The following EGFR variants were observed in gnomAD, a reference collection of about 807,000 sequenced individuals.
EGFR encodes the protein epidermal growth factor receptor.
A neutral mutation model predicts 143.0 loss-of-function variants in EGFR; 58 were observed. That is an observed-to-expected ratio of 0.41 (90% CI 0.33 to 0.50). The LOEUF is 0.50. EGFR is among the 20% of genes least tolerant of loss of function. The pLI is 0.39. For synonymous variants in EGFR, 613 were observed against 594.4 expected (o/e 1.03, Z -0.45); for missense variants, 1,307 against 1,579.0 (o/e 0.83, Z 2.92).
Position 55,142,314 on chromosome 7 carries a change from G to T in EGFR, c.117G>T (p.Thr39=), listed in dbSNP as rs777186292. The part of the protein sequence containing the change: ...KVCQGTSNKL[T]QLGTFEDHFL... ...GCCAAGGCACGAGTAACAAGCTCAC[G>T]CAGTTGGGCACTTTTGAAGATCATT... The change falls in exon 2 of 28, where the codon ACG becomes ACT. Residue 39 remains threonine (T), a synonymous_variant. Coordinates refer to ENST00000275493, the MANE Select transcript of EGFR (RefSeq NM_005228.5). 1 of 1,614,184 alleles carries T rather than the reference G, an allele frequency of 6.2e-7. No homozygotes were observed. The highest frequency in any genetic ancestry group is 2.2e-5 in the East Asian group (1 of 44,886).
In EGFR at chr7:55,160,267, A is replaced by G. The variant is rs746521110; in HGVS notation, c.1427A>G (p.Asn476Ser). 1.9e-5 allele frequency: 31 copies of G among 1,613,958 alleles called. No individual in the cohort carries two copies. The highest frequency in any genetic ancestry group is 2.3e-5 in the Non-Finnish European group (27 of 1,180,028). ...NKNLCYANTI[N>S]WKKLFGTSGQ... ...AATTTGTGCTATGCAAATACAATAA[A>G]CTGGAAAAAACTGTTTGGGACCTCC... Residue 476 changes from asparagine (N) to serine (S), a missense_variant, in exon 12 of 28, where the codon AAC becomes AGC. By Grantham distance (46) the Asn-to-Ser change is conservative. Coordinates refer to ENST00000275493, the MANE Select transcript of EGFR (RefSeq NM_005228.5).
Position 55,161,557 on chromosome 7 carries a change from G to A in EGFR, c.1557G>A (p.Glu519=), listed in dbSNP as rs116057045. ...LCSPEGCWGP[E]PRDCVSCRNV... is the part of the protein sequence containing the mutation. ...CCCCCGAGGGCTGCTGGGGCCCGGA[G>A]CCCAGGGACTGCGTCTCTTGCCGGA... Residue 519 remains glutamate, a synonymous_variant, in exon 13 of 28, where the codon GAG becomes GAA. Transcript: ENST00000275493. The A allele has an allele frequency of 1.9e-6, 3 of 1,614,276 alleles. No individual in the cohort carries two copies. Among genetic ancestry groups the A allele is most frequent in the Non-Finnish European group, 2.5e-6 (3 of 1,180,048 alleles).
intron 1 of EGFR, among the ~76,000 whole-genome samples, chr7:55,036,338 G>A (rs1035065697): frequency 1.2e-4 from 18 of 147,126 alleles, no homozygotes; most frequent in Non-Finnish European, 2.2e-4. Flanking sequence ...CCTGTATTTG[G>A]TCTGTTCTGC....
chr7:55,091,098 T>C (rs537463273), intron 1 of EGFR, among the ~76,000 whole-genome samples: 24 of 152,230 alleles, frequency 1.6e-4, no homozygotes, highest in Non-Finnish European at 2.8e-4. Flanking sequence ...AGTTGGCAAG[T>C]GATAGTGACA....
intron 1 of EGFR, among the ~76,000 whole-genome samples, chr7:55,100,787 C>T (rs912892883): frequency 2.6e-5 from 4 of 152,354 alleles, no homozygotes; most frequent in African/African-American, 9.6e-5. Flanking sequence ...AGCCTCACGT[C>T]ACACATCACT....
chr7:55,084,470 A>G (rs1047222950), intron 1 of EGFR, among the ~76,000 whole-genome samples: 5 of 152,230 alleles, frequency 3.3e-5, no homozygotes, highest in African/African-American at 4.8e-5. Context: ...TATTAAATCA[A>G]AACCAGCTGA....
chr7:55,168,247 T>C (rs759172335), intron 15 of EGFR, among the ~76,000 whole-genome samples: 1 of 152,254 alleles, frequency 6.6e-6, no homozygotes, highest in Non-Finnish European at 1.5e-5. Context: ...ATATTATCTG[T>C]ATAGAATAAA....
chr7:55,153,528 G>A (rs1255113926), intron 6 of EGFR, among the ~76,000 whole-genome samples: 1 of 152,226 alleles, frequency 6.6e-6, no homozygotes, highest in Non-Finnish European at 1.5e-5. Flanking sequence ...GGAGAAGACT[G>A]TGCGTGGGGT....
intron 1 of EGFR, among the ~76,000 whole-genome samples, chr7:55,128,614 C>T (rs890755160): frequency 6.6e-6 from 1 of 152,196 alleles, no homozygotes; most frequent in East Asian, 1.9e-4. Context: ...TGAAGCAAAG[C>T]ATGGCAATGA....
At chr7:55,038,617 T>C (rs73420740) in intron 1 of EGFR, among the ~76,000 whole-genome samples, 3,804 of 152,278 alleles carry the variant, frequency 0.025, 106 homozygotes, top group African/African-American at 0.069. Flanking sequence ...TTGGAAAAGA[T>C]TGAGAATTTT....
At chr7:55,050,156 G>A (rs577477015) in intron 1 of EGFR, among the ~76,000 whole-genome samples, 4 of 152,186 alleles carry the variant, frequency 2.6e-5, no homozygotes, top group East Asian at 1.9e-4. Flanking sequence ...ATACATTCAC[G>A]TTGTTCTATA....
chr7:55,052,595 G>T (rs1788551158), intron 1 of EGFR, among the ~76,000 whole-genome samples: 1 of 152,242 alleles, frequency 6.6e-6, no homozygotes, highest in Non-Finnish European at 1.5e-5. Flanking sequence ...CAGGAAGCTT[G>T]CGAAGCTCAG....
rs533069189 is a variant in EGFR at position 55,067,541 on chromosome 7, G to A, written c.88+48176G>A. Among the ~76,000 whole-genome samples the A allele has an allele frequency of 2.6e-5, 4 of 151,514 alleles. No individual in the cohort carries two copies. In the South Asian group the frequency reaches 8.3e-4, roughly 31 times the overall value. On this transcript the variant is annotated intron_variant, in intron 1 of 27. Transcript: ENST00000275493. The stretch of plus-strand genomic sequence containing the variant: ...AGTTTTGAATTATGGTAAAATACAC[G>A]TAAGATTTACTACTGTAACCATTTT...
Position 55,034,644 on chromosome 7 carries a change from C to T in EGFR, c.88+15279C>T, listed in dbSNP as rs74581689. Among the ~76,000 whole-genome samples the T allele has an allele frequency of 7.9e-3, 1,203 of 152,262 alleles. 19 individuals carry two copies. The highest frequency in any genetic ancestry group is 0.051 in the Middle Eastern group (15 of 292). On this transcript the variant is annotated intron_variant, in intron 1 of 27. Transcript: ENST00000275493. ...TTATATGGAACTGTAAAAAATGCGC[C>T]AACCATCTGTCCTTCCTCTTTATCT...
chr7:55,085,736 C>T (rs760063009), intron 1 of EGFR, among the ~76,000 whole-genome samples: 4 of 152,210 alleles, frequency 2.6e-5, no homozygotes, highest in Non-Finnish European at 4.4e-5. Context: ...GAGTACAGAG[C>T]TGGTGTGTAG....
chr7:55,019,824 G>C (rs1166955315), intron 1 of EGFR, among the ~76,000 whole-genome samples: 1 of 152,188 alleles, frequency 6.6e-6, no homozygotes, highest in African/African-American at 2.4e-5. Context: ...CTGCCCACCC[G>C]CCGAGACTGC....
intron 1 of EGFR, among the ~76,000 whole-genome samples, chr7:55,094,283 C>T (rs550250160): frequency 1.3e-5 from 2 of 152,160 alleles, no homozygotes; most frequent in Non-Finnish European, 1.5e-5. Context: ...CTGTCATCCA[C>T]GCAGCTGCCT....
At chr7:55,055,975 G>A (rs17335864) in intron 1 of EGFR, among the ~76,000 whole-genome samples, 5,551 of 152,082 alleles carry the variant, frequency 0.036, 347 homozygotes, top group African/African-American at 0.13. Context: ...TAAGGCATTG[G>A]GTTGGCGGGT....
intron 1 of EGFR, among the ~76,000 whole-genome samples, chr7:55,085,260 A>G (rs1416906961): frequency 6.6e-6 from 1 of 152,226 alleles, no homozygotes; most frequent in Non-Finnish European, 1.5e-5. Flanking sequence ...TGCCTGGGGT[A>G]TCAGAGTTGA....
Sources: gnomAD v4.1 joint callset for allele counts (sites outside exome capture counted in the v4.1 genomes callset) on GRCh38, gnomAD v4.1.1 for gene constraint, MANE v1.5 for transcripts, NCBI Gene and HGNC (gene_info 2026-07-23, HGNC 2026-07-21) for gene names.